CSMD1: variants seen among roughly 807,000 people sequenced by gnomAD.
The protein encoded by CSMD1 is CUB and sushi domain-containing protein 1.
Under a neutral mutation model 417.5 loss-of-function variants are expected in CSMD1, and 213 were observed. The observed-to-expected ratio is 0.51, with a 90% CI of 0.46 to 0.57. The LOEUF (loss-of-function observed/expected upper bound fraction) is 0.57, where lower values mean the gene tolerates loss of function less well. Ranked by LOEUF, CSMD1 falls within the 20% of genes least tolerant of loss-of-function variation. The pLI is 0.00. For missense variants in CSMD1, 6,923 were observed against 4,529.7 expected, an observed-to-expected ratio of 1.53 and a Z score of -15.17; for synonymous variants, 2,862 against 1,736.8, an observed-to-expected ratio of 1.65 and a Z score of -16.11.
Position 3,409,412 on chromosome 8 carries a change from A to T in CSMD1, c.1744+11T>A. 1 of 1,603,138 alleles carries T rather than the reference A, an allele frequency of 6.2e-7. No homozygotes were observed. Among genetic ancestry groups the T allele is most frequent in the African/African-American group, 1.3e-5 (1 of 74,874 alleles). On this transcript the variant is annotated intron_variant, in intron 13 of 69. Transcript: ENST00000635120. ...GACAGGAGGGAGTCCAGGTCAAGGC[A>T]TAATACTCACATACACAGCTGGGCT... is the stretch of plus-strand genomic sequence containing the variant.
intron 1 of CSMD1, among the ~76,000 whole-genome samples, chr8:4,727,936 T>C (rs1364059862): frequency 7.4e-6 from 1 of 134,750 alleles, no homozygotes; most frequent in Non-Finnish European, 1.5e-5. Flanking sequence ...AATATATATA[T>C]ATACAAAATA....
chr8:4,014,779 C>A (rs752205897), intron 4 of CSMD1, among the ~76,000 whole-genome samples: 2 of 152,156 alleles, frequency 1.3e-5, no homozygotes, highest in Non-Finnish European at 2.9e-5. Context: ...GGCATGGATT[C>A]ATTCTGGCAC....
At position 4,291,119 on chromosome 8, in the gene CSMD1, A is replaced by G. The variant is rs563593086; in HGVS notation, c.415+128834T>C. 1.1e-4 allele frequency among the ~76,000 whole-genome samples: 16 copies of G among 152,276 alleles called. 1 individual carries two copies. Among genetic ancestry groups the G allele is most frequent in the African/African-American group, 3.1e-4 (13 of 41,572 alleles). ...ACAAACACAACTTCTAAATGTTTCTATGACAGGAATCTGAGTCTTAATATG... is the reference window on the plus strand; with the variant it reads ...ACAAACACAACTTCTAAATGTTTCTGTGACAGGAATCTGAGTCTTAATATG... On this transcript the variant is annotated intron_variant, in intron 3 of 69. Transcript: ENST00000635120.
chr8:4,572,467 G>A (rs1322098545), intron 2 of CSMD1, among the ~76,000 whole-genome samples: 1 of 152,168 alleles, frequency 6.6e-6, no homozygotes, highest in Non-Finnish European at 1.5e-5. Flanking sequence ...TGGCTAGTAG[G>A]GTTTCTGCAG....
chr8:3,154,844 G>A (rs1048298385), intron 39 of CSMD1, among the ~76,000 whole-genome samples: 6 of 152,084 alleles, frequency 3.9e-5, no homozygotes, highest in Admixed American at 1.3e-4. Context: ...GGGATTTCCA[G>A]GAGCTCTTAA....
chr8:3,527,599 C>A (rs1797806410), intron 10 of CSMD1, among the ~76,000 whole-genome samples: 3 of 152,062 alleles, frequency 2.0e-5, no homozygotes, highest in African/African-American at 4.8e-5. Context: ...CACACACACA[C>A]ACACGGGCAT....
chr8:3,451,614 G>A (rs10093434), intron 12 of CSMD1, among the ~76,000 whole-genome samples: 1 of 151,996 alleles, frequency 6.6e-6, no homozygotes, highest in African/African-American at 2.4e-5. Context: ...TTGTCAAAGA[G>A]CAGATACTTG....
intron 1 of CSMD1, among the ~76,000 whole-genome samples, chr8:4,750,909 T>A (rs1242234159): frequency 6.6e-6 from 1 of 152,200 alleles, no homozygotes; most frequent in East Asian, 1.9e-4. Flanking sequence ...TCTTACTAAT[T>A]TGGATAGCTC....
intron 2 of CSMD1, among the ~76,000 whole-genome samples, chr8:4,426,881 A>T (rs1255481889): frequency 1.3e-5 from 2 of 151,810 alleles, no homozygotes; most frequent in Non-Finnish European, 2.9e-5. Flanking sequence ...GGGAAGGGGT[A>T]TTAGTATCAG....
chr8:3,388,677 T>C (rs2116816974), intron 17 of CSMD1, among the ~76,000 whole-genome samples: 2 of 152,336 alleles, frequency 1.3e-5, no homozygotes, highest in South Asian at 4.1e-4. Context: ...TCTTAAACTG[T>C]TTTTCTAACA....
chr8:3,982,608 G>C (rs1289216098), intron 5 of CSMD1, among the ~76,000 whole-genome samples: 1 of 131,180 alleles, frequency 7.6e-6, no homozygotes, highest in Admixed American at 8.2e-5. Flanking sequence ...ATGAAGTACT[G>C]CTGAGAGAGA....
intron 5 of CSMD1, among the ~76,000 whole-genome samples, chr8:3,926,919 T>A (rs972130454): frequency 2.6e-5 from 4 of 151,764 alleles, no homozygotes; most frequent in Non-Finnish European, 5.9e-5. Flanking sequence ...TTTCACCATG[T>A]TGGCCAGGAT....
chr8:3,668,138 G>C (rs749684540), intron 7 of CSMD1, among the ~76,000 whole-genome samples: 10 of 152,128 alleles, frequency 6.6e-5, no homozygotes, highest in Non-Finnish European at 1.2e-4. Context: ...AATTTGGACA[G>C]ATAACGAATC....
At chr8:3,903,388 A>T (rs1807894866) in intron 5 of CSMD1, among the ~76,000 whole-genome samples, 1 of 152,182 alleles carries the variant, frequency 6.6e-6, no homozygotes, top group African/African-American at 2.4e-5. Flanking sequence ...CTATGTCATT[A>T]TCATAAGCTT....
At chr8:4,451,094 G>A (rs1006228913) in intron 2 of CSMD1, among the ~76,000 whole-genome samples, 4 of 152,298 alleles carry the variant, frequency 2.6e-5, no homozygotes, top group Non-Finnish European at 5.9e-5. Flanking sequence ...GGGAGGCCAA[G>A]GCAGGAGGAT....
chr8:4,378,303 A>G (rs551396696), intron 3 of CSMD1, among the ~76,000 whole-genome samples: 163 of 152,368 alleles, frequency 1.1e-3, no homozygotes, highest in Non-Finnish European at 1.6e-3. Flanking sequence ...AGTAACTATT[A>G]AATTGTTATA....
chr8:4,129,848 G>T (rs1230589481), intron 3 of CSMD1, among the ~76,000 whole-genome samples: 4 of 151,882 alleles, frequency 2.6e-5, no homozygotes, highest in Non-Finnish European at 4.4e-5. Flanking sequence ...TTCCTAGATG[G>T]TTCCTGCTTT....
At chr8:4,438,843 A>G (rs933831189) in intron 2 of CSMD1, among the ~76,000 whole-genome samples, 18 of 152,206 alleles carry the variant, frequency 1.2e-4, no homozygotes, top group African/African-American at 3.6e-4. Context: ...TGAAAGGTGT[A>G]TTATCTGAAT....
At chr8:4,070,960 G>C (rs536339776) in intron 3 of CSMD1, among the ~76,000 whole-genome samples, 2 of 152,168 alleles carry the variant, frequency 1.3e-5, no homozygotes, top group Non-Finnish European at 2.9e-5. Context: ...TGTAAAATCA[G>C]CAATAATTTA....
Sources: gnomAD v4.1 joint callset for allele counts (sites outside exome capture counted in the v4.1 genomes callset) on GRCh38, gnomAD v4.1.1 for gene constraint, MANE v1.5 for transcripts, NCBI Gene and HGNC (gene_info 2026-07-23, HGNC 2026-07-21) for gene names.